The following AKAP6 variants were observed in gnomAD, a reference collection of about 807,000 sequenced individuals.
AKAP6 encodes A-kinase anchor protein 6.
AKAP6 carries 58 observed loss-of-function variants against 188.5 expected under a neutral mutation model. The ratio of observed to expected loss-of-function variants is 0.31; its 90% confidence interval spans 0.25 to 0.38. The LOEUF is 0.38. Ranked by LOEUF, AKAP6 falls within the 10% of genes least tolerant of loss-of-function variation. The pLI is 1.00. For missense variants in AKAP6, 2,710 were observed against 2,740.0 expected (o/e 0.99, Z 0.24); for synonymous variants, 989 against 998.6 (o/e 0.99, Z 0.18).
chr14:32,546,809 A>G lies in AKAP6; in HGVS notation c.2156A>G (p.Asp719Gly). ...GESIESGPLS[D>G]ILSDEESSMP... is the part of the protein sequence containing the mutation. The stretch of plus-strand genomic sequence containing the variant: ...AGCATTGAATCTGGGCCCCTGAGTG[A>G]CATTCTTTCTGATGAGGAGTCCAGT... The change falls in exon 4 of 14, where the codon GAC becomes GGC. Residue 719 changes from aspartate (D) to glycine (G), a missense_variant. Around this residue, in one of 2 missense-constraint regions of AKAP6, gnomAD observed 2,473 missense variants for 2,426.1 expected, o/e 1.02. Coordinates refer to ENST00000280979, the MANE Select transcript of AKAP6 (RefSeq NM_004274.5). The G allele has an allele frequency of 1.2e-6, 2 of 1,614,108 alleles. No homozygotes were observed. The highest frequency in any genetic ancestry group is 1.7e-6 in the Non-Finnish European group (2 of 1,179,996).
At chr14:32,492,224 C>T (rs1330335554) in intron 2 of AKAP6, among the ~76,000 whole-genome samples, 2 of 151,612 alleles carry the variant, frequency 1.3e-5, no homozygotes, top group African/African-American at 2.4e-5. Context: ...TCAGCTTTGC[C>T]TCACCTCCTC....
rs563789441 is a variant in AKAP6, at chr14:32,767,155, A to G, written c.3373-6523A>G. The stretch of plus-strand genomic sequence containing the variant: ...TTTAATCTTTAATATGCCATAATTA[A>G]CTGTAAAAGAAGTCTTTTATGGCAT... On this transcript the variant is annotated intron_variant, in intron 11 of 13. Transcript: ENST00000280979. Among the ~76,000 whole-genome samples, 9 of 152,282 alleles carry G rather than the reference A, an allele frequency of 5.9e-5. No homozygotes were observed. The South Asian group carries it at 1.9e-3, about 32-fold the overall frequency.
chr14:32,770,302 A>T (rs2139981414), intron 11 of AKAP6, among the ~76,000 whole-genome samples: 1 of 152,288 alleles, frequency 6.6e-6, no homozygotes, highest in Middle Eastern at 3.4e-3. Flanking sequence ...GCAAGACGAA[A>T]TTGCCTAAAG....
rs552144398 is a variant in AKAP6, at chr14:32,833,959, C to G, written c.*4154C>G. 3 of 152,276 alleles carry G rather than the reference C, an allele frequency of 2.0e-5. No homozygotes were observed. The South Asian group carries it at 6.2e-4, about 32-fold the overall frequency. 9.4% of individuals were successfully genotyped at this position (152,276 alleles called of 1,614,324 possible). ...ACCATATTTACTTCATCTCTGTATACACACACACTTTTTTGTATGATTAAA... is the reference window on the plus strand; with the variant it reads ...ACCATATTTACTTCATCTCTGTATAGACACACACTTTTTTGTATGATTAAA... On this transcript the variant is annotated 3_prime_UTR_variant, in exon 14 of 14. Coordinates refer to ENST00000280979, the MANE Select transcript of AKAP6 (RefSeq NM_004274.5).
intron 9 of AKAP6, among the ~76,000 whole-genome samples, chr14:32,717,914 C>G (rs1277321915): frequency 6.6e-6 from 1 of 152,052 alleles, no homozygotes; most frequent in African/African-American, 2.4e-5. Flanking sequence ...GAGGATGAGC[C>G]TACGCCAAAT....
chr14:32,786,018 T>C (rs2033389392), intron 12 of AKAP6, among the ~76,000 whole-genome samples: 1 of 152,178 alleles, frequency 6.6e-6, no homozygotes, highest in Non-Finnish European at 1.5e-5. Flanking sequence ...TCCCAGATTT[T>C]TTAGGAAAAT....
At chr14:32,591,357 T>C (rs890924850) in intron 5 of AKAP6, among the ~76,000 whole-genome samples, 4 of 152,070 alleles carry the variant, frequency 2.6e-5, no homozygotes, top group Non-Finnish European at 5.9e-5. Flanking sequence ...ATTCTGTCAC[T>C]TGGAGCCACC....
At chr14:32,522,295 G>A (rs1335749983) in intron 2 of AKAP6, among the ~76,000 whole-genome samples, 1 of 152,134 alleles carries the variant, frequency 6.6e-6, no homozygotes, top group Non-Finnish European at 1.5e-5. Flanking sequence ...CTTCATGACT[G>A]AAACACCAAA....
Position 32,568,583 on chromosome 14 carries a change from AGTGTCTTGGAGGATTGGGG to A in AKAP6, c.2347-8533_2347-8515del, listed in dbSNP as rs1884311101. Among the ~76,000 whole-genome samples the A allele has an allele frequency of 1.3e-5, 2 of 152,146 alleles. No individual in the cohort carries two copies. The highest frequency in any genetic ancestry group is 1.3e-4 in the Admixed American group (2 of 15,260). On this transcript the variant is annotated intron_variant, in intron 4 of 13. Coordinates refer to ENST00000280979, the MANE Select transcript of AKAP6 (RefSeq NM_004274.5). This position sits in a 1 kb window ranked among gnomAD's most constrained non-coding sequence, Gnocchi z 6.2. ...TAAAGATGATCTGATCTGCTTATCCAGTGTCTTGGAGGATTGGGGGTGCTTGAAGCAAGGTCTCACCTAG... is the reference window on the plus strand; with the variant it reads ...TAAAGATGATCTGATCTGCTTATCCAGTGCTTGAAGCAAGGTCTCACCTAG...
rs1406552352 is a variant in AKAP6, at chr14:32,823,006, T to A, written c.5193T>A (p.Asp1731Glu). The stretch of plus-strand genomic sequence containing the variant: ...CTCGTTCAGTGGCTGATGAAAGCGA[T>A]GTCAATGTCAGCATGATTGTTAATG... Reference protein sequence around the residue: ...RLTRSVADESDVNVSMIVNVS... With the variant: ...RLTRSVADESEVNVSMIVNVS... The change falls in exon 13 of 14, where the codon GAT becomes GAA. Residue 1731 changes from aspartate (D) to glutamate (E), a missense_variant. Physicochemically the swap from Asp to Glu is conservative, Grantham distance 45. Transcript: ENST00000280979. The A allele has an allele frequency of 1.2e-6, 2 of 1,613,934 alleles. No homozygotes were observed. Among genetic ancestry groups the A allele is most frequent in the Non-Finnish European group, 1.7e-6 (2 of 1,179,906 alleles).
At chr14:32,350,102 A>G (rs965175196) in intron 1 of AKAP6, among the ~76,000 whole-genome samples, 11 of 152,226 alleles carry the variant, frequency 7.2e-5, no homozygotes, top group African/African-American at 1.7e-4. Context: ...TCCCATTTCT[A>G]GGAGGAAGAG....
chr14:32,371,428 A>G (rs1419782735), intron 1 of AKAP6, among the ~76,000 whole-genome samples: 1 of 152,190 alleles, frequency 6.6e-6, no homozygotes, highest in Non-Finnish European at 1.5e-5. Flanking sequence ...AAACAAAAAC[A>G]AAACAAAACA....
rs535900288 is a variant in AKAP6 at position 32,778,743 on chromosome 14, C to T, written c.3588+4850C>T. Among the ~76,000 whole-genome samples the T allele has an allele frequency of 2.1e-4, 30 of 142,348 alleles. 1 individual carries two copies. The South Asian group carries it at 4.7e-3, about 22-fold the overall frequency. The allele number at this position is 142,348 out of a possible 152,430, so 93.4% of individuals were successfully genotyped here. ...TTTTTTTTTTGGAGAGATGGGATCTCGCTATGTTGCGCAGGCTAGTCTCAA... is the reference window on the plus strand; with the variant it reads ...TTTTTTTTTTGGAGAGATGGGATCTTGCTATGTTGCGCAGGCTAGTCTCAA... On this transcript the variant is annotated intron_variant, in intron 12 of 13. Transcript: ENST00000280979.
chr14:32,526,393 C>G (rs1217973024), intron 2 of AKAP6, among the ~76,000 whole-genome samples: 1 of 152,078 alleles, frequency 6.6e-6, no homozygotes, highest in East Asian at 1.9e-4. Flanking sequence ...CCACCATGCC[C>G]CACTAATTTT....
chr14:32,467,268 ATAT>A (rs1418061399), intron 2 of AKAP6, among the ~76,000 whole-genome samples: 1 of 152,034 alleles, frequency 6.6e-6, no homozygotes, highest in Non-Finnish European at 1.5e-5. Flanking sequence ...ATGTACTGAA[ATAT>A]TATTTAAACA....
At chr14:32,726,133 A>G (rs2030861262) in intron 9 of AKAP6, 2 of 964,450 alleles carry the variant, frequency 2.1e-6, no homozygotes, top group African/African-American at 1.8e-5. Flanking sequence ...GAAAATAGTT[A>G]TTTTCTTTTA....
rs1245128289 is a variant in AKAP6 at position 32,546,773 on chromosome 14, C to T, written c.2120C>T (p.Ser707Leu). ...AGCTCATCTAGTGACATAGCCTCTT[C>T]ACTAGGGGAGAGCATTGAATCTGGG... ...SPSSSSDIAS[S>L]LGESIESGPL... The change falls in exon 4 of 14, where the codon TCA becomes TTA. Residue 707 changes from serine (S) to leucine (L), a missense_variant. Around this residue, in one of 2 missense-constraint regions of AKAP6, gnomAD observed 2,473 missense variants for 2,426.1 expected, o/e 1.02. Transcript: ENST00000280979. 1.2e-6 allele frequency: 2 copies of T among 1,614,012 alleles called. No individual in the cohort carries two copies. The highest frequency in any genetic ancestry group is 1.7e-5 in the Admixed American group (1 of 60,004).
intron 1 of AKAP6, among the ~76,000 whole-genome samples, chr14:32,340,267 A>G (rs1886848728): frequency 6.6e-6 from 1 of 152,118 alleles, no homozygotes; most frequent in African/African-American, 2.4e-5. Flanking sequence ...ACCTTATGCT[A>G]CAAAATAAAA....
At chr14:32,751,992 G>A (rs960226664) in intron 11 of AKAP6, among the ~76,000 whole-genome samples, 8 of 152,070 alleles carry the variant, frequency 5.3e-5, no homozygotes, top group Non-Finnish European at 1.2e-4. Context: ...GCCCTCATTT[G>A]AACTACAGTG....
Sources: gnomAD v4.1 joint callset for allele counts (sites outside exome capture counted in the v4.1 genomes callset) on GRCh38, gnomAD v4.1.1 for gene constraint, gnomAD v4.1.1 regional missense constraint, Gnocchi (gnomAD v3.1) non-coding constraint, MANE v1.5 for transcripts, NCBI Gene and HGNC (gene_info 2026-07-23, HGNC 2026-07-21) for gene names.